Variants in BTBD9 observed in about 807,000 individuals in gnomAD.
The protein encoded by BTBD9 is BTB domain containing 9, also known as BTB/POZ domain-containing protein 9.
In BTBD9, 49 loss-of-function variants were observed where a neutral mutation model predicts 64.3. The ratio of observed to expected loss-of-function variants is 0.76; its 90% CI spans 0.61 to 0.97. The LOEUF is 0.97. Among genes scored for constraint, BTBD9 ranks in the 50% least tolerant of loss-of-function variants. BTBD9 has a pLI of 0.00. For synonymous variants in BTBD9, 260 were observed against 274.7 expected, an observed-to-expected ratio of 0.95 and a Z score of 0.53; for missense variants, 598 against 762.1, an observed-to-expected ratio of 0.78 and a Z score of 2.53.
chr6:38,413,445 T>A (rs953927037), intron 6 of BTBD9, among the ~76,000 whole-genome samples: 2 of 152,226 alleles, frequency 1.3e-5, no homozygotes, highest in African/African-American at 4.8e-5. Flanking sequence ...TTTATTTCCT[T>A]ACACTGTATA....
At chr6:38,427,842 C>A (rs1010708956) in intron 6 of BTBD9, among the ~76,000 whole-genome samples, 1 of 151,926 alleles carries the variant, frequency 6.6e-6, no homozygotes, top group African/African-American at 2.4e-5. Flanking sequence ...TATGTTATTA[C>A]CTGTACTGTG....
intron 6 of BTBD9, among the ~76,000 whole-genome samples, chr6:38,405,796 A>G (rs138735870): frequency 1.3e-3 from 203 of 152,338 alleles, no homozygotes; most frequent in African/African-American, 4.3e-3. Context: ...GAGTTTCCAT[A>G]CTGATCGCAG....
intron 6 of BTBD9, chr6:38,504,436 C>G: frequency 2.5e-6 from 1 of 396,472 alleles, no homozygotes; most frequent in Non-Finnish European, 5.1e-6. Flanking sequence ...TTTCCTTCCT[C>G]CCTTTCCCTA....
intron 4 of BTBD9, chr6:38,587,844 T>A: frequency 4.2e-6 from 3 of 718,996 alleles, no homozygotes; most frequent in South Asian, 4.1e-5. Context: ...TTGACCCTTT[T>A]AAAAAACCAA....
At chr6:38,503,886 C>T (rs1176819401) in intron 6 of BTBD9, among the ~76,000 whole-genome samples, 1 of 152,172 alleles carries the variant, frequency 6.6e-6, no homozygotes, top group African/African-American at 2.4e-5. Context: ...CATAACTCTG[C>T]CAAAATCTAA....
chr6:38,558,912 GTC>G (rs1775146211), intron 6 of BTBD9, among the ~76,000 whole-genome samples: 2 of 152,166 alleles, frequency 1.3e-5, no homozygotes, highest in Non-Finnish European at 1.5e-5. Flanking sequence ...GTAGGGAGAA[GTC>G]TCTCCTCCTC....
intron 6 of BTBD9, among the ~76,000 whole-genome samples, chr6:38,411,655 G>T (rs939181852): frequency 2.0e-5 from 3 of 152,094 alleles, no homozygotes; most frequent in African/African-American, 7.2e-5. Context: ...TAAAAAAAAT[G>T]CCAGGTGTAG....
intron 6 of BTBD9, among the ~76,000 whole-genome samples, chr6:38,359,898 C>T (rs1466248123): frequency 6.6e-6 from 1 of 151,278 alleles, no homozygotes; most frequent in Non-Finnish European, 1.5e-5. Context: ...AACTGTTGGA[C>T]CTCTGTTTTC....
chr6:38,598,002 AATC>A lies in BTBD9; in HGVS notation c.90_92del (p.Leu30_Ile31delinsPhe). The A allele has an allele frequency of 6.2e-7, 1 of 1,614,002 alleles. No homozygotes were observed. Among genetic ancestry groups the A allele is most frequent in the Non-Finnish European group, 8.5e-7 (1 of 1,179,886 alleles). ...ATGTGACGTCGCCATATTCTTCCCC[AATC>A]AACAAGGCACCAATATGTTCAGACA... On this transcript the variant is annotated inframe_deletion, in exon 2 of 11. Coordinates refer to ENST00000481247, the MANE Select transcript of BTBD9 (RefSeq NM_001099272.2).
chr6:38,169,551 A>C lies in BTBD9; in HGVS notation c.*5434T>G, dbSNP rs919269550. 2.6e-5 allele frequency: 4 copies of C among 152,418 alleles called. No homozygotes were observed. The highest frequency in any genetic ancestry group is 9.7e-5 in the African/African-American group (4 of 41,440). 9.4% of individuals were successfully genotyped at this position (152,418 alleles called of 1,614,324 possible). On this transcript the variant is annotated 3_prime_UTR_variant, in exon 11 of 11. Coordinates refer to ENST00000481247, the MANE Select transcript of BTBD9 (RefSeq NM_001099272.2). The stretch of plus-strand genomic sequence containing the variant: ...GCCCTGAAGGCTGCTCAGCCCCTCC[A>C]GCCCCCGTCCCGCCTCGCAACGCCT...
rs150453070 is a variant in BTBD9 at position 38,455,429 on chromosome 6, G to A, written c.1155-110336C>T. ...AGGTGATCTTCCTAACTCAGCTTCCGGAAGTCTTGGGATTACAGGCGTAAG... is the reference window on the plus strand; with the variant it reads ...AGGTGATCTTCCTAACTCAGCTTCCAGAAGTCTTGGGATTACAGGCGTAAG... On this transcript the variant is annotated intron_variant, in intron 6 of 10. Coordinates refer to ENST00000481247, the MANE Select transcript of BTBD9 (RefSeq NM_001099272.2). Among the ~76,000 whole-genome samples, 1,010 of 152,206 alleles carry A rather than the reference G, an allele frequency of 6.6e-3. 9 individuals carry two copies. The highest frequency in any genetic ancestry group is 8.7e-3 in the Non-Finnish European group (590 of 67,994).
intron 6 of BTBD9, among the ~76,000 whole-genome samples, chr6:38,392,457 T>C (rs1455739880): frequency 1.3e-5 from 2 of 152,146 alleles, no homozygotes; most frequent in Non-Finnish European, 2.9e-5. Flanking sequence ...CAACTCCTTT[T>C]TAAGCTGGGG....
chr6:38,287,399 C>A (rs1761784317), intron 8 of BTBD9, among the ~76,000 whole-genome samples: 1 of 152,080 alleles, frequency 6.6e-6, no homozygotes, highest in African/African-American at 2.4e-5. Context: ...CCCACCTCCG[C>A]CTCCCAAAGT....
At chr6:38,528,600 T>C (rs1051098190) in intron 6 of BTBD9, among the ~76,000 whole-genome samples, 27 of 152,176 alleles carry the variant, frequency 1.8e-4, no homozygotes, top group Non-Finnish European at 4.0e-4. Context: ...TGGTAGAATA[T>C]GGCACCAGGC....
At chr6:38,263,826 G>T (rs750082289) in intron 8 of BTBD9, among the ~76,000 whole-genome samples, 1 of 152,260 alleles carries the variant, frequency 6.6e-6, no homozygotes, top group Middle Eastern at 3.4e-3. Flanking sequence ...TACCATTTGC[G>T]GCTTAACCTA....
At chr6:38,504,128 C>T (rs1772338474) in intron 6 of BTBD9, among the ~76,000 whole-genome samples, 1 of 152,136 alleles carries the variant, frequency 6.6e-6, no homozygotes, top group African/African-American at 2.4e-5. Flanking sequence ...TGTCTCTTTC[C>T]ATCATACATG....
At chr6:38,213,978 A>T (rs1762923711) in intron 9 of BTBD9, among the ~76,000 whole-genome samples, 2 of 150,120 alleles carry the variant, frequency 1.3e-5, no homozygotes. Flanking sequence ...CCTGGGTGAC[A>T]GAGCGAGACT....
chr6:38,632,555 C>G (rs929744679), intron 1 of BTBD9, among the ~76,000 whole-genome samples: 2 of 152,114 alleles, frequency 1.3e-5, no homozygotes, highest in African/African-American at 2.4e-5. Flanking sequence ...GTTGACTTTA[C>G]TAAAATGTAA....
intron 6 of BTBD9, among the ~76,000 whole-genome samples, chr6:38,345,607 T>C (rs1764249054): frequency 6.6e-6 from 1 of 152,252 alleles, no homozygotes. Flanking sequence ...ACAGTTTCTT[T>C]TATTTTACTA....
Sources: allele counts gnomAD v4.1 joint callset (sites outside exome capture counted in the v4.1 genomes callset), GRCh38; gene constraint gnomAD v4.1.1; transcripts MANE v1.5; gene names NCBI Gene and HGNC (gene_info 2026-07-23, HGNC 2026-07-21).